Variants in NIPAL2 observed in about 807,000 individuals in gnomAD.
The protein encoded by NIPAL2 is NIPA like domain containing 2, also known as NIPA-like protein 2.
In NIPAL2, 43 loss-of-function variants were observed where a neutral mutation model predicts 48.9. The ratio of observed to expected loss-of-function variants is 0.88; its 90% CI spans 0.69 to 1.13. The LOEUF (loss-of-function observed/expected upper bound fraction) is 1.13. Among genes scored for constraint, NIPAL2 ranks in the 50% most tolerant of loss-of-function variants. NIPAL2 has a pLI of 0.00. For synonymous variants in NIPAL2, 167 were observed against 174.6 expected, an observed-to-expected ratio of 0.96 and a Z score of 0.34; for missense variants, 446 against 461.4, an observed-to-expected ratio of 0.97 and a Z score of 0.31.
intron 1 of NIPAL2, among the ~76,000 whole-genome samples, chr8:98,273,271 A>T (rs1206288054): frequency 6.6e-6 from 1 of 152,220 alleles, no homozygotes; most frequent in Non-Finnish European, 1.5e-5. Context: ...ACAAAAGATC[A>T]CAAATTATAT....
intron 5 of NIPAL2, 131 bp from the exon 6 acceptor site, chr8:98,212,632 C>G: frequency 5.2e-6 from 3 of 573,058 alleles, no homozygotes; most frequent in South Asian, 2.2e-5. Flanking sequence ...AGGGATGACA[C>G]AGGAGAGCAG....
intron 4 of NIPAL2, among the ~76,000 whole-genome samples, chr8:98,233,026 GA>G (rs1812517819): frequency 6.6e-6 from 1 of 152,218 alleles, no homozygotes; most frequent in South Asian, 2.1e-4. Context: ...TTGGGAGGCA[GA>G]GGTGCGTGGA....
intron 3 of NIPAL2, among the ~76,000 whole-genome samples, chr8:98,249,624 CATA>C (rs1563522721): frequency 2.1e-5 from 3 of 145,344 alleles, no homozygotes; most frequent in African/African-American, 7.5e-5. Context: ...AAATGTATAA[CATA>C]ATACAATTTA....
At chr8:98,261,454 A>C (rs1248258493) in intron 1 of NIPAL2, among the ~76,000 whole-genome samples, 2 of 146,308 alleles carry the variant, frequency 1.4e-5, no homozygotes, top group East Asian at 2.0e-4. Context: ...GAGCTGAAAA[A>C]CAAGGCTCGA....
intron 5 of NIPAL2, chr8:98,216,995 G>A: frequency 1.1e-6 from 1 of 900,628 alleles, no homozygotes; most frequent in Non-Finnish European, 1.3e-6. Context: ...TAACAGAGAT[G>A]ATGAATTTCT....
chr8:98,257,973 T>C (rs1156522331), intron 1 of NIPAL2, among the ~76,000 whole-genome samples: 1 of 152,246 alleles, frequency 6.6e-6, no homozygotes, highest in African/African-American at 2.4e-5. Flanking sequence ...AACTGTGGCC[T>C]GACCACTTGG....
intron 3 of NIPAL2, among the ~76,000 whole-genome samples, chr8:98,238,224 T>C (rs1389992372): frequency 2.0e-5 from 3 of 152,236 alleles, no homozygotes; most frequent in Non-Finnish European, 4.4e-5. Context: ...TGCAACATAA[T>C]ATATGCTGTA....
At chr8:98,255,275 A>G (rs1813820057) in intron 1 of NIPAL2, among the ~76,000 whole-genome samples, 1 of 152,248 alleles carries the variant, frequency 6.6e-6, no homozygotes, top group Non-Finnish European at 1.5e-5. Flanking sequence ...GCTCCCATCT[A>G]GGTCCAAAAG....
rs757353033 is a variant in NIPAL2, at chr8:98,191,027, T to C, written c.*1951A>G. 4 of 152,260 alleles carry C rather than the reference T, an allele frequency of 2.6e-5. No individual in the cohort carries two copies. Among genetic ancestry groups the C allele is most frequent in the Non-Finnish European group, 5.9e-5 (4 of 68,036 alleles). 9.4% of individuals were successfully genotyped at this position (152,260 alleles called of 1,614,324 possible). A position where few individuals can be genotyped will look rare whatever the true frequency, so the allele number is the denominator to read the frequency against. On this transcript the variant is annotated 3_prime_UTR_variant, in exon 11 of 11. Transcript: ENST00000430223. ...ATATTTTATATGTTACCTGGACTTC[T>C]AAAACATTGTTGATTGCTTAAATGT...
intron 4 of NIPAL2, among the ~76,000 whole-genome samples, chr8:98,230,386 A>G (rs545544283): frequency 6.6e-6 from 1 of 152,198 alleles, no homozygotes; most frequent in Non-Finnish European, 1.5e-5. Context: ...CAGTTTCATA[A>G]GGTAGATGCT....
chr8:98,281,354 G>A (rs1815819733), intron 1 of NIPAL2, among the ~76,000 whole-genome samples: 2 of 152,058 alleles, frequency 1.3e-5, no homozygotes, highest in African/African-American at 4.8e-5. Flanking sequence ...GGGTACTGGG[G>A]TAGGGGGCGG....
intron 7 of NIPAL2, 63 bp downstream of exon 7, chr8:98,205,048 G>A (rs1810963129): frequency 6.5e-7 from 1 of 1,546,784 alleles, no homozygotes; most frequent in Admixed American, 1.7e-5. Context: ...AGCCAGTAAA[G>A]ATTAATGCCC....
intron 1 of NIPAL2, among the ~76,000 whole-genome samples, chr8:98,279,107 T>C (rs1199436327): frequency 6.6e-6 from 1 of 152,204 alleles, no homozygotes; most frequent in Non-Finnish European, 1.5e-5. Context: ...TCAAGGTTGA[T>C]TGCATGCTTA....
At chr8:98,264,476 T>C (rs1402244001) in intron 1 of NIPAL2, among the ~76,000 whole-genome samples, 1 of 150,164 alleles carries the variant, frequency 6.7e-6, no homozygotes, top group Admixed American at 6.7e-5. Flanking sequence ...AGCATTCTTA[T>C]ACACCAGCAA....
intron 4 of NIPAL2, among the ~76,000 whole-genome samples, chr8:98,232,194 T>G (rs1812472144): frequency 6.6e-6 from 1 of 152,156 alleles, no homozygotes; most frequent in South Asian, 2.1e-4. Flanking sequence ...GGATATCGCT[T>G]GTTGGAGGCA....
At chr8:98,286,812 C>CAAAAAAAAAAAAAAAAA (rs1182876107) in intron 1 of NIPAL2, among the ~76,000 whole-genome samples, 2 of 57,892 alleles carry the variant, frequency 3.5e-5, no homozygotes, top group Non-Finnish European at 6.9e-5. Context: ...GAGACTCTGT[C>CAAAAAAAAAAAAAAAAA]AAAAAAAAAA....
intron 5 of NIPAL2, among the ~76,000 whole-genome samples, chr8:98,216,272 G>A (rs1811569631): frequency 6.6e-6 from 1 of 151,958 alleles, no homozygotes; most frequent in African/African-American, 2.4e-5. Context: ...TAGTACTTAC[G>A]TGACCTTAAA....
intron 10 of NIPAL2, chr8:98,193,388 C>G: frequency 6.2e-7 from 1 of 1,614,060 alleles, no homozygotes. Context: ...CACTCACCTC[C>G]AAGCCTTTCT....
At chr8:98,230,396 T>G (rs185147999) in intron 4 of NIPAL2, among the ~76,000 whole-genome samples, 123 of 152,232 alleles carry the variant, frequency 8.1e-4, no homozygotes, top group African/African-American at 2.9e-3. Context: ...AGGTAGATGC[T>G]CCACCAAAAA....
Sources: gnomAD v4.1 joint callset for allele counts (sites outside exome capture counted in the v4.1 genomes callset) on GRCh38, gnomAD v4.1.1 for gene constraint, MANE v1.5 for transcripts, NCBI Gene and HGNC (gene_info 2026-07-23, HGNC 2026-07-21) for gene names.